The following MAN1C1 variants were observed in gnomAD, a reference collection of about 807,000 sequenced individuals.
MAN1C1 encodes the protein mannosyl-oligosaccharide 1,2-alpha-mannosidase IC.
MAN1C1 carries 49 observed loss-of-function variants against 71.5 expected under a neutral mutation model. The ratio of observed to expected loss-of-function variants is 0.69; its 90% CI spans 0.54 to 0.87. The LOEUF is 0.87. Among genes scored for constraint, MAN1C1 ranks in the 40% least tolerant of loss-of-function variants. The probability of loss-of-function intolerance (pLI) is 0.00; values close to 1 mark genes in which losing one functional copy is unlikely to be tolerated. For synonymous variants in MAN1C1, 352 were observed against 343.7 expected (o/e 1.02, Z -0.27); for missense variants, 743 against 835.0 (o/e 0.89, Z 1.36).
chr1:25,663,450 A>AT (rs2045879310), intron 1 of MAN1C1, among the ~76,000 whole-genome samples: 4 of 152,182 alleles, frequency 2.6e-5, no homozygotes. Flanking sequence ...TAATCTACAA[A>AT]TTAGGCACAG....
chr1:25,724,189 C>T (rs575624297), intron 2 of MAN1C1, among the ~76,000 whole-genome samples: 10 of 152,194 alleles, frequency 6.6e-5, no homozygotes, highest in African/African-American at 1.4e-4. Context: ...CCACCACGCC[C>T]GGCTAATTTT....
chr1:25,727,180 G>T (rs2046843443), intron 2 of MAN1C1, among the ~76,000 whole-genome samples: 2 of 152,230 alleles, frequency 1.3e-5, no homozygotes, highest in South Asian at 2.1e-4. Context: ...CTAGCTGGAT[G>T]ACCTTAGGCA....
In MAN1C1 at chr1:25,616,873, G is replaced by T. The variant is rs2045104130; in HGVS notation, c.-925G>T. On this transcript the variant is annotated 5_prime_UTR_variant, in exon 1 of 12. Transcript: ENST00000374332. This position sits in a 1 kb window ranked among gnomAD's most constrained non-coding sequence, Gnocchi z 5.6. ...GTGCGCGCGTGTGGGGCGCAGGCTC[G>T]GCGGCAGCGGCCGGTCTGGAGCGGC... Among the ~76,000 whole-genome samples, 1 of 148,202 alleles carries T rather than the reference G, an allele frequency of 6.7e-6. No homozygotes were observed. The highest frequency in any genetic ancestry group is 2.4e-5 in the African/African-American group (1 of 40,962).
chr1:25,774,332 T>G (rs2047591949), intron 8 of MAN1C1, among the ~76,000 whole-genome samples: 2 of 152,162 alleles, frequency 1.3e-5, no homozygotes, highest in South Asian at 4.1e-4. Flanking sequence ...GAGCTAGTGC[T>G]CTAAGTACCT....
rs2046530905 is a variant in MAN1C1 at position 25,706,853 on chromosome 1, T to C, written c.637+20317T>C. ...TGTCAGTGGCTCTGTCCTTTGGGGA[T>C]AATCAGAGTTCCAGCTGCCTGTGCC... On this transcript the variant is annotated intron_variant, in intron 2 of 11. Transcript: ENST00000374332. Among the ~76,000 whole-genome samples, 3 of 152,318 alleles carry C rather than the reference T, an allele frequency of 2.0e-5. No homozygotes were observed. In the South Asian group the frequency reaches 6.2e-4, roughly 32 times the overall value.
Position 25,764,103 on chromosome 1 carries a change from C to T in MAN1C1, c.1141+136C>T. 1 of 683,632 alleles carries T rather than the reference C, an allele frequency of 1.5e-6. No homozygotes were observed. The allele number at this position is 683,632 out of a possible 1,614,324, so 42.3% of individuals were successfully genotyped here. On this transcript the variant is annotated intron_variant, in intron 7 of 11. Coordinates refer to ENST00000374332, the MANE Select transcript of MAN1C1 (RefSeq NM_020379.4). This position sits in a 1 kb window ranked among gnomAD's most constrained non-coding sequence, Gnocchi z 4.4. ...CAGCCAGCAAGGCATTCGCTCGGTGCTCCTGGACACCACCTGCCTTCCCAT... is the reference window on the plus strand; with the variant it reads ...CAGCCAGCAAGGCATTCGCTCGGTGTTCCTGGACACCACCTGCCTTCCCAT...
chr1:25,618,012 A>G lies in MAN1C1; in HGVS notation c.215A>G (p.His72Arg), dbSNP rs2124743988. 1 of 1,601,152 alleles carries G rather than the reference A, an allele frequency of 6.2e-7. No homozygotes were observed. Among genetic ancestry groups the G allele is most frequent in the Non-Finnish European group, 8.5e-7 (1 of 1,175,670 alleles). ...GLEVVAEIAG[H>R]APAREQEPPP... ...GAAGTGGTGGCTGAAATCGCCGGCC[A>G]TGCCCCGGCCCGCGAGCAGGAGCCG... Residue 72 changes from histidine (H) to arginine (R), a missense_variant, in exon 1 of 12, where the codon CAT (histidine) becomes CGT (arginine). Coordinates refer to ENST00000374332, the MANE Select transcript of MAN1C1 (RefSeq NM_020379.4).
intron 1 of MAN1C1, among the ~76,000 whole-genome samples, chr1:25,662,707 G>A (rs1052687851): frequency 3.9e-5 from 6 of 152,184 alleles, no homozygotes; most frequent in Non-Finnish European, 8.8e-5. Flanking sequence ...TGAGGCAGGA[G>A]GATTGCTTGA....
chr1:25,629,433 CTTAA>C (rs1346312834), intron 1 of MAN1C1, among the ~76,000 whole-genome samples: 1 of 152,176 alleles, frequency 6.6e-6, no homozygotes, highest in Non-Finnish European at 1.5e-5. Context: ...CATTTGCCTA[CTTAA>C]TTAATTAATT....
chr1:25,745,399 C>A (rs2047114881), intron 2 of MAN1C1, among the ~76,000 whole-genome samples: 1 of 151,680 alleles, frequency 6.6e-6, no homozygotes, highest in South Asian at 2.1e-4. Flanking sequence ...CTGAAGAAAT[C>A]AAAAGGCACC....
chr1:25,702,111 C>T lies in MAN1C1; in HGVS notation c.637+15575C>T, dbSNP rs568872444. On this transcript the variant is annotated intron_variant, in intron 2 of 11. Coordinates refer to ENST00000374332, the MANE Select transcript of MAN1C1 (RefSeq NM_020379.4). ...AAGCCAAATTAGTTAGTTACATCCC[C>T]CAAACCAAGAAGGATAAAATCCCAA... is the stretch of plus-strand genomic sequence containing the variant. 2.6e-5 allele frequency among the ~76,000 whole-genome samples: 4 copies of T among 152,190 alleles called. No individual in the cohort carries two copies. In the East Asian group the frequency reaches 7.7e-4, roughly 29 times the overall value.
rs546444822 is a variant in MAN1C1, at chr1:25,782,430, C to T, written c.1651-155C>T. On this transcript the variant is annotated intron_variant, in intron 10 of 11. Coordinates refer to ENST00000374332, the MANE Select transcript of MAN1C1 (RefSeq NM_020379.4). The surrounding 1 kb of genome is among the most constrained non-coding windows in gnomAD (Gnocchi z 4.4). Reference sequence around the variant, plus strand: ...GCTAAACCCCGAAAGAATAATTTGACCTTCTGTTCCCACAAATGCCAGGAG... The same window carrying T: ...GCTAAACCCCGAAAGAATAATTTGATCTTCTGTTCCCACAAATGCCAGGAG... Among the ~76,000 whole-genome samples, 9 of 152,136 alleles carry T rather than the reference C, an allele frequency of 5.9e-5. No individual in the cohort carries two copies. The highest frequency in any genetic ancestry group is 1.3e-4 in the Non-Finnish European group (9 of 68,028).
intron 1 of MAN1C1, among the ~76,000 whole-genome samples, chr1:25,618,933 A>G (rs1159086082): frequency 1.3e-5 from 2 of 152,164 alleles, no homozygotes; most frequent in Non-Finnish European, 2.9e-5. Flanking sequence ...ATTGTACACA[A>G]TTGTACATAA....
At chr1:25,760,261 A>G (rs2047343681) in intron 6 of MAN1C1, 1 of 152,234 alleles carries the variant, frequency 6.6e-6, no homozygotes. Context: ...TTTACAGAGG[A>G]GGAAACTAAG....
At chr1:25,705,182 A>G (rs1161029399) in intron 2 of MAN1C1, among the ~76,000 whole-genome samples, 2 of 152,246 alleles carry the variant, frequency 1.3e-5, no homozygotes, top group Non-Finnish European at 2.9e-5. Context: ...ACCAGAAGGA[A>G]AAGTTGCTGA....
rs78205797 is a variant in MAN1C1, at chr1:25,730,519, C to T, written c.638-16149C>T. ...GGTGGTGCCTCCTGAGTTCTGAGAA[C>T]TGCTCTCGCCAGGAAAGCCTTGAAA... On this transcript the variant is annotated intron_variant, in intron 2 of 11. Transcript: ENST00000374332. The surrounding 1 kb of genome is among the most constrained non-coding windows in gnomAD (Gnocchi z 4.3). Among the ~76,000 whole-genome samples the T allele has an allele frequency of 1.9e-3, 282 of 152,174 alleles. 7 individuals carry two copies. In the East Asian group the frequency reaches 0.045, roughly 24 times the overall value.
intron 1 of MAN1C1, among the ~76,000 whole-genome samples, chr1:25,643,881 A>G (rs1394396217): frequency 6.6e-6 from 1 of 152,138 alleles, no homozygotes; most frequent in African/African-American, 2.4e-5. Flanking sequence ...GGCTGCTAGA[A>G]TTTGCAGAAC....
intron 2 of MAN1C1, among the ~76,000 whole-genome samples, chr1:25,710,746 C>G (rs533681367): frequency 2.6e-5 from 4 of 152,250 alleles, no homozygotes; most frequent in African/African-American, 9.6e-5. Flanking sequence ...CCTTCAAGTA[C>G]CTGCTGCTGC....
intron 1 of MAN1C1, among the ~76,000 whole-genome samples, chr1:25,633,550 C>T (rs11247897): frequency 0.19 from 13,526 of 70,212 alleles, 1,407 homozygotes; most frequent in African/African-American, 0.52. Context: ...TTTTTTTTTT[C>T]ACTGTTGTTG....
Sources: gnomAD v4.1 joint callset for allele counts (sites outside exome capture counted in the v4.1 genomes callset) on GRCh38, gnomAD v4.1.1 for gene constraint, Gnocchi (gnomAD v3.1) non-coding constraint, MANE v1.5 for transcripts, NCBI Gene and HGNC (gene_info 2026-07-23, HGNC 2026-07-21) for gene names.